REDIC1: variants seen among roughly 807,000 people sequenced by gnomAD.
The protein encoded by REDIC1 is HEI10 Interacting Protein 1.
At chr12:39,792,627 G>T in the REDIC1 span, among the ~76,000 whole-genome samples, 1 of 152,190 alleles carries the variant, frequency 6.6e-6, no homozygotes, top group South Asian at 2.1e-4. Context: ...CAGGATCCCT[G>T]TGGATACCAA....
the REDIC1 span, among the ~76,000 whole-genome samples, chr12:39,627,286 G>A: frequency 8.3e-3 from 1,271 of 152,240 alleles, 23 homozygotes; most frequent in African/African-American, 0.029. Context: ...ATTACTTCTG[G>A]CTAGTGTTCT....
chr12:39,806,044 TAC>T, the REDIC1 span, among the ~76,000 whole-genome samples: 2 of 152,202 alleles, frequency 1.3e-5, no homozygotes, highest in Admixed American at 1.3e-4. Context: ...AGAAAAAGCT[TAC>T]AGTGACAGCA....
the REDIC1 span, among the ~76,000 whole-genome samples, chr12:39,849,918 T>C: frequency 6.6e-6 from 1 of 152,136 alleles, no homozygotes; most frequent in Admixed American, 6.5e-5. Flanking sequence ...GGTAATATTG[T>C]TTCTTCTTCT....
At chr12:39,723,734 A>G in the REDIC1 span, among the ~76,000 whole-genome samples, 1 of 152,092 alleles carries the variant, frequency 6.6e-6, no homozygotes, top group East Asian at 1.9e-4. Context: ...GGCCAATGCT[A>G]TACAGTATTG....
At chr12:39,846,638 A>C in the REDIC1 span, among the ~76,000 whole-genome samples, 1 of 152,056 alleles carries the variant, frequency 6.6e-6, no homozygotes, top group South Asian at 2.1e-4. Context: ...TTTTTGGAGA[A>C]ATGGGATTTT....
chr12:39,652,153 G>A, the REDIC1 span, among the ~76,000 whole-genome samples: 3 of 151,948 alleles, frequency 2.0e-5, no homozygotes, highest in Non-Finnish European at 4.4e-5. Context: ...CCTGTTCATG[G>A]GCATTTGGTG....
the REDIC1 span, among the ~76,000 whole-genome samples, chr12:39,656,237 G>A: frequency 6.6e-6 from 1 of 152,108 alleles, no homozygotes; most frequent in Non-Finnish European, 1.5e-5. Flanking sequence ...TTAATTTTCT[G>A]GAAGAGTTTG....
chr12:39,770,365 C>T, the REDIC1 span, among the ~76,000 whole-genome samples: 11 of 152,084 alleles, frequency 7.2e-5, no homozygotes, highest in African/African-American at 2.7e-4. Context: ...AACGAAATGA[C>T]CTCTCCAGAA....
chr12:39,753,153 A>G, the REDIC1 span, among the ~76,000 whole-genome samples: 1 of 152,244 alleles, frequency 6.6e-6, no homozygotes, highest in Non-Finnish European at 1.5e-5. Context: ...ACTAGACTGC[A>G]TGCTGATGAT....
At chr12:39,852,035 A>C in the REDIC1 span, among the ~76,000 whole-genome samples, 97,121 of 152,048 alleles carry the variant, frequency 0.64, 31,189 homozygotes, top group East Asian at 0.77. Context: ...TTTCAGTTGC[A>C]GGGGATTTGT....
the REDIC1 span, among the ~76,000 whole-genome samples, chr12:39,732,364 C>T: frequency 6.6e-6 from 1 of 152,020 alleles, no homozygotes; most frequent in African/African-American, 2.4e-5. Context: ...TTGATCAAAC[C>T]TATATTTGAT....
At chr12:39,721,508 G>A in the REDIC1 span, 9 of 352,200 alleles carry the variant, frequency 2.6e-5, no homozygotes, top group Non-Finnish European at 3.6e-5. Context: ...ATTTGTAAAT[G>A]TACTAGCGTT....
At chr12:39,657,305 A>G in the REDIC1 span, among the ~76,000 whole-genome samples, 5 of 152,236 alleles carry the variant, frequency 3.3e-5, no homozygotes, top group Non-Finnish European at 7.3e-5. Flanking sequence ...TTTGTAGCCT[A>G]GGAGCAATAG....
the REDIC1 span, among the ~76,000 whole-genome samples, chr12:39,788,165 C>A: frequency 6.6e-6 from 1 of 152,012 alleles, no homozygotes; most frequent in Non-Finnish European, 1.5e-5. Context: ...ATCCTCATAC[C>A]TAGTACCAAA....
the REDIC1 span, among the ~76,000 whole-genome samples, chr12:39,632,823 T>A: frequency 5.8e-4 from 88 of 152,274 alleles, 1 homozygote; most frequent in African/African-American, 1.9e-3. Flanking sequence ...AAACATATCT[T>A]AATATAGAAA....
the REDIC1 span, among the ~76,000 whole-genome samples, chr12:39,880,882 A>G: frequency 6.6e-6 from 1 of 152,204 alleles, no homozygotes; most frequent in Non-Finnish European, 1.5e-5. Context: ...TCTGAACTCT[A>G]ATTCACCAAT....
chr12:39,640,951 T>C, the REDIC1 span: 1 of 1,609,150 alleles, frequency 6.2e-7, no homozygotes, highest in South Asian at 1.1e-5. Flanking sequence ...GCTGCTTTTT[T>C]CAGGTCCAGG....
At chr12:39,672,622 G>C in the REDIC1 span, among the ~76,000 whole-genome samples, 1 of 152,136 alleles carries the variant, frequency 6.6e-6, no homozygotes, top group Admixed American at 6.5e-5. Flanking sequence ...GGGAGCACAT[G>C]CTGTGGCACC....
chr12:39,742,542 C>G, the REDIC1 span, among the ~76,000 whole-genome samples: 1 of 152,116 alleles, frequency 6.6e-6, no homozygotes, highest in Non-Finnish European at 1.5e-5. Context: ...TCTTGGAGCT[C>G]TCGGGTAGAG....
Sources: allele counts gnomAD v4.1 joint callset (sites outside exome capture counted in the v4.1 genomes callset), GRCh38; gene constraint gnomAD v4.1.1; transcripts MANE v1.5; gene names NCBI Gene and HGNC (gene_info 2026-07-23, HGNC 2026-07-21).